Variants in CLN3 observed in about 807,000 individuals in gnomAD.
The protein encoded by CLN3 is CLN3 lysosomal/endosomal transmembrane protein, battenin, also known as battenin.
Under a neutral mutation model 60.7 loss-of-function variants are expected in CLN3, and 49 were observed. The observed-to-expected ratio is 0.81, with a 90% confidence interval of 0.64 to 1.02. The LOEUF (loss-of-function observed/expected upper bound fraction) is 1.02, where lower values mean the gene tolerates loss of function less well. Ranked by LOEUF, CLN3 falls within the 50% of genes least tolerant of loss-of-function variation. CLN3 has a pLI of 0.00. For missense variants in CLN3, 516 were observed against 557.4 expected (o/e 0.93, Z 0.75); for synonymous variants, 256 against 245.8 (o/e 1.04, Z -0.39).
rs1160629944 is a variant in CLN3, at chr16:28,482,629, G to C, written c.834C>G (p.Phe278Leu). Residue 278 changes from phenylalanine (F) to leucine (L), a missense_variant, in exon 11 of 16, where the codon TTC becomes TTG. Phe to Leu is a conservative substitution (Grantham distance 22, BLOSUM62 0). Transcript: ENST00000636147. The part of the protein sequence containing the change: ...SLSLRERWTV[F>L]KGLLWYIVPL... Reference sequence around the variant, plus strand: ...ATACCCCAGCCATCATCCGAACCTTGAACACTGTCCACCTTTCCCGAAGGG... The same window carrying C: ...ATACCCCAGCCATCATCCGAACCTTCAACACTGTCCACCTTTCCCGAAGGG... 1 of 1,614,190 alleles carries C rather than the reference G, an allele frequency of 6.2e-7. No homozygotes were observed. Among genetic ancestry groups the C allele is most frequent in the East Asian group, 2.2e-5 (1 of 44,880 alleles).
At position 28,486,406 on chromosome 16, in the gene CLN3, G is replaced by A. The variant is rs2141712243; in HGVS notation, c.618C>T (p.Gly206=). Residue 206 remains glycine, a synonymous_variant, in exon 9 of 16, where the codon GGC becomes GGT. Transcript: ENST00000636147. ...ALSYLGLTQA[G]LSPQQTLLSM... ...ACAGCAGGGTCTGCTGAGGGGAGAGGCCGGCCTGGGTGAGGCCCAGGTAGG... is the reference window on the plus strand; with the variant it reads ...ACAGCAGGGTCTGCTGAGGGGAGAGACCGGCCTGGGTGAGGCCCAGGTAGG... 1 of 1,613,306 alleles carries A rather than the reference G, an allele frequency of 6.2e-7. No homozygotes were observed. The highest frequency in any genetic ancestry group is 8.5e-7 in the Non-Finnish European group (1 of 1,179,960).
downstream of CLN3, among the ~76,000 whole-genome samples, chr16:28,471,987 G>A (rs956789606): frequency 1.3e-5 from 2 of 152,026 alleles, no homozygotes; most frequent in Non-Finnish European, 2.9e-5. Context: ...CTGAGATAGT[G>A]CCACTGCACT....
chr16:28,485,203 A>G (rs1232894955), intron 9 of CLN3, among the ~76,000 whole-genome samples: 2 of 149,534 alleles, frequency 1.3e-5, no homozygotes, highest in Admixed American at 6.7e-5. Flanking sequence ...TCGGCCTCCC[A>G]AAGTGCTGGG....
Position 28,487,715 on chromosome 16 carries a change from G to T in CLN3, c.321C>A (p.Pro107=). 1.2e-6 allele frequency: 2 copies of T among 1,613,802 alleles called. No homozygotes were observed. The highest frequency in any genetic ancestry group is 1.7e-6 in the Non-Finnish European group (2 of 1,179,866). Residue 107 remains proline (P), a synonymous_variant, in exon 6 of 16, where the codon CCC becomes CCA. Coordinates refer to ENST00000636147, the MANE Select transcript of CLN3 (RefSeq NM_001042432.2). ...GAGCCAACAATTTGATGACGAGTGT[G>T]GGGAGGATGTCCGCCAGGAGCACAG... ...TAAVLLADIL[P]TLVIKLLAPL...
chr16:28,481,473 CACT>C (rs2046095880), intron 14 of CLN3, among the ~76,000 whole-genome samples: 1 of 151,034 alleles, frequency 6.6e-6, no homozygotes, highest in Non-Finnish European at 1.5e-5. Flanking sequence ...CACACACACA[CACT>C]ACAAAATCTT....
chr16:28,472,961 T>C (rs368324766), downstream of CLN3, among the ~76,000 whole-genome samples: 154 of 151,134 alleles, frequency 1.0e-3, no homozygotes, highest in African/African-American at 3.6e-3. Context: ...TTTTAAGAGA[T>C]AGGGTCTTGC....
chr16:28,470,636 AG>A (rs1317574920), downstream of CLN3: 8 of 13,428 alleles, frequency 6.0e-4, no homozygotes, highest in South Asian at 9.2e-4. Context: ...GGGGAGGGGG[AG>A]GGGAAGGGGA....
chr16:28,477,392 A>T lies in CLN3; in HGVS notation c.*124T>A. ...GGAAACAAGGCTTCAGCCCTTCCCT[A>T]CTCCCAGACCTGCCGGGAAGGCTGG... On this transcript the variant is annotated 3_prime_UTR_variant, in exon 16 of 16. Transcript: ENST00000636147. 7.6e-7 allele frequency: 1 copy of T among 1,324,270 alleles called. No homozygotes were observed. Among genetic ancestry groups the T allele is most frequent in the Non-Finnish European group, 1.1e-6 (1 of 935,032 alleles). 82.0% of individuals were successfully genotyped at this position (1,324,270 alleles called of 1,614,324 possible).
Position 28,489,310 on chromosome 16 carries a change from T to TGTG in CLN3, c.201_202insCAC (p.Arg67_Thr68insHis). ...CTTACATGGCTCTGGTTTCCCGATG[T>TGTG]CCTCTTGTGGCTAAGGATGTCGTGG... is the stretch of plus-strand genomic sequence containing the variant. On this transcript the variant is annotated inframe_insertion, in exon 4 of 16. Coordinates refer to ENST00000636147, the MANE Select transcript of CLN3 (RefSeq NM_001042432.2). 1 of 1,613,320 alleles carries TGTG rather than the reference T, an allele frequency of 6.2e-7. No individual in the cohort carries two copies. The highest frequency in any genetic ancestry group is 8.5e-7 in the Non-Finnish European group (1 of 1,179,694).
chr16:28,479,210 G>C (rs1453584616), intron 14 of CLN3, among the ~76,000 whole-genome samples: 2 of 152,206 alleles, frequency 1.3e-5, no homozygotes, highest in Non-Finnish European at 2.9e-5. Context: ...TGGGGATCTA[G>C]GTACAAATGC....
chr16:28,482,267 T>C (rs1403538222), intron 13 of CLN3, 60 bp downstream of exon 13: 16 of 1,604,266 alleles, frequency 1.0e-5, no homozygotes, highest in African/African-American at 1.3e-5. Flanking sequence ...CGGTGCCTAC[T>C]GGGCAGGGCA....
At chr16:28,470,515 G>T, downstream of CLN3, 1 of 856,314 alleles carries the variant, frequency 1.2e-6, no homozygotes, top group Non-Finnish European at 1.7e-6. Context: ...GAGGGAAGGG[G>T]ACGGGGACCG....
rs1308474116 is a variant in CLN3, at chr16:28,482,658, G to C, written c.805C>G (p.Leu269Val). The change falls in exon 11 of 16, where the codon CTC (leucine) becomes GTC (valine). Residue 269 changes from leucine (L) to valine (V), a missense_variant. Transcript: ENST00000636147. ...ACTGTCCACCTTTCCCGAAGGGAGA[G>C]GCTGGAGCTGGAGCCTGCAGGGGAA... ...PESKPGSSSSLSLRERWTVFK... is the reference protein window; with the variant it reads ...PESKPGSSSSVSLRERWTVFK... 1 of 1,614,094 alleles carries C rather than the reference G, an allele frequency of 6.2e-7. No homozygotes were observed. The highest frequency in any genetic ancestry group is 8.5e-7 in the Non-Finnish European group (1 of 1,180,046).
At chr16:28,487,284 C>G in intron 7 of CLN3, 172 bp downstream of exon 7, 1 of 692,788 alleles carries the variant, frequency 1.4e-6, no homozygotes, top group South Asian at 1.6e-5. Flanking sequence ...CCTCCACTGC[C>G]TACCCCTCCA....
downstream of CLN3, among the ~76,000 whole-genome samples, chr16:28,471,791 G>A (rs935197013): frequency 1.3e-5 from 2 of 148,584 alleles, no homozygotes; most frequent in Non-Finnish European, 3.0e-5. Context: ...TCATCTTACT[G>A]CCTGTGTGTG....
At chr16:28,475,993 C>G (rs2141691350), downstream of CLN3, 1 of 151,366 alleles carries the variant, frequency 6.6e-6, no homozygotes, top group East Asian at 2.0e-4. Context: ...TCAAGCAATT[C>G]TTGCGCCTCA....
chr16:28,477,639 G>C lies in CLN3; in HGVS notation c.1198-4C>G. 1 of 1,613,962 alleles carries C rather than the reference G, an allele frequency of 6.2e-7. No homozygotes were observed. Among genetic ancestry groups the C allele is most frequent in the East Asian group, 2.2e-5 (1 of 44,886 alleles). On this transcript the variant is annotated splice_polypyrimidine_tract_variant and splice_region_variant and intron_variant, in intron 15 of 15. Coordinates refer to ENST00000636147, the MANE Select transcript of CLN3 (RefSeq NM_001042432.2). ...ACTCCCGGTGCTCATCACTGGTCTG[G>C]GAGGGCAGAGAGCAGGGGTGAGGCT...
At chr16:28,478,392 G>A (rs1273417646) in intron 14 of CLN3, among the ~76,000 whole-genome samples, 1 of 151,634 alleles carries the variant, frequency 6.6e-6, no homozygotes, top group East Asian at 1.9e-4. Context: ...AAGGTGGGAT[G>A]ATCACTTGAG....
At chr16:28,480,210 C>T (rs941672087) in intron 14 of CLN3, among the ~76,000 whole-genome samples, 1 of 136,098 alleles carries the variant, frequency 7.3e-6, no homozygotes, top group African/African-American at 2.5e-5. Context: ...TCCCACCTGG[C>T]TTATTTTTTT....
Sources: allele counts gnomAD v4.1 joint callset (sites outside exome capture counted in the v4.1 genomes callset), GRCh38; gene constraint gnomAD v4.1.1; transcripts MANE v1.5; gene names NCBI Gene and HGNC (gene_info 2026-07-23, HGNC 2026-07-21).